ZNF16: variants seen among roughly 807,000 people sequenced by gnomAD.
The protein encoded by ZNF16 is zinc finger protein 16, also known as zinc finger protein KOX9.
ZNF16 carries 7 observed loss-of-function variants against 9.0 expected under a neutral mutation model. The observed-to-expected ratio is 0.78, with a 90% CI of 0.44 to 1.47. ZNF16 has a LOEUF of 1.47. Among genes scored for constraint, ZNF16 ranks in the 40% most tolerant of loss-of-function variants. The pLI is 0.01. For missense variants in ZNF16, 830 were observed against 854.2 expected (o/e 0.97, Z 0.35); for synonymous variants, 312 against 301.5 (o/e 1.03, Z -0.36).
intron 1 of ZNF16, chr8:144,950,292 TCA>T (rs1491288658): frequency 2.0e-5 from 3 of 152,222 alleles, no homozygotes; most frequent in Non-Finnish European, 4.4e-5. Context: ...CTAAGAGAAC[TCA>T]GAGACCGGTG....
At chr8:144,936,511 G>A (rs533666902) in intron 2 of ZNF16, among the ~76,000 whole-genome samples, 98 of 152,212 alleles carry the variant, frequency 6.4e-4, no homozygotes, top group African/African-American at 2.1e-3. Context: ...TCCAGCCAGC[G>A]ATGTATGAGG....
chr8:144,943,589 G>A (rs928476298), intron 2 of ZNF16, among the ~76,000 whole-genome samples: 14 of 151,432 alleles, frequency 9.2e-5, no homozygotes, highest in Non-Finnish European at 1.8e-4. Flanking sequence ...GCACGATTTC[G>A]GCTCAATGCA....
At chr8:144,942,494 G>A (rs1267837471) in intron 2 of ZNF16, among the ~76,000 whole-genome samples, 2 of 151,310 alleles carry the variant, frequency 1.3e-5, no homozygotes, top group East Asian at 3.9e-4. Context: ...CACCATGTTG[G>A]CCAGGCTGGT....
At chr8:144,939,308 C>T (rs561133777) in intron 2 of ZNF16, among the ~76,000 whole-genome samples, 21 of 152,180 alleles carry the variant, frequency 1.4e-4, no homozygotes, top group African/African-American at 4.6e-4. Flanking sequence ...TTAAATTCAC[C>T]TTTAAATCCA....
chr8:144,940,174 G>A (rs377654633), intron 2 of ZNF16, among the ~76,000 whole-genome samples: 1 of 152,108 alleles, frequency 6.6e-6, no homozygotes, highest in African/African-American at 2.4e-5. Context: ...AACTTCCTAA[G>A]CTTAGGTGAT....
At position 144,931,723 on chromosome 8, in the gene ZNF16, C is replaced by T. The variant is rs1833549511; in HGVS notation, c.1064G>A (p.Gly355Glu). Reference protein sequence around the residue: ...GEKPYVCSECGKAFRRSSNLI... With the variant: ...GEKPYVCSECEKAFRRSSNLI... ...GTTTGAGCTTCGCCTGAAGGCCTTC[C>T]CACACTCACTGCACACATACGGTTT... The change falls in exon 3 of 3, where the codon GGG becomes GAG. Residue 355 changes from glycine (G) to glutamate (E), a missense_variant. Coordinates refer to ENST00000394909, the MANE Select transcript of ZNF16 (RefSeq NM_006958.3). 2.0e-5 allele frequency: 32 copies of T among 1,613,974 alleles called. No homozygotes were observed. Among genetic ancestry groups the T allele is most frequent in the Non-Finnish European group, 2.6e-5 (31 of 1,179,966 alleles).
At chr8:144,948,639 G>A (rs1834018488) in intron 1 of ZNF16, 1 of 152,192 alleles carries the variant, frequency 6.6e-6, no homozygotes, top group East Asian at 1.9e-4. Flanking sequence ...CATCCACACA[G>A]TTTCCCTTGT....
At chr8:144,950,070 C>T (rs527882649) in intron 1 of ZNF16, among the ~76,000 whole-genome samples, 5 of 152,344 alleles carry the variant, frequency 3.3e-5, no homozygotes, top group South Asian at 2.1e-4. Context: ...AGCAATGCTG[C>T]CTTGTTATTC....
intron 1 of ZNF16, among the ~76,000 whole-genome samples, chr8:144,949,148 C>T (rs1834029559): frequency 6.6e-6 from 1 of 152,220 alleles, no homozygotes; most frequent in South Asian, 2.1e-4. Flanking sequence ...CTGGAAGAGC[C>T]AGCCACCACC....
intron 2 of ZNF16, among the ~76,000 whole-genome samples, chr8:144,937,039 AG>A: frequency 6.6e-6 from 1 of 151,988 alleles, no homozygotes; most frequent in South Asian, 2.1e-4. Context: ...GTTGTTGAGA[AG>A]TAAGACTTCT....
intron 2 of ZNF16, among the ~76,000 whole-genome samples, chr8:144,938,747 T>C (rs1833738885): frequency 6.6e-6 from 1 of 152,350 alleles, no homozygotes; most frequent in South Asian, 2.1e-4. Context: ...TTTCTTTTTC[T>C]TGACTAACTG....
rs1435457535 is a variant in ZNF16, at chr8:144,932,132, G to A, written c.655C>T (p.Gln219Ter). ...CGCTGAATAAGGTCAGGATTTCCTT[G>A]GAAGGTTTTCCCACACTCATTACAT... is the stretch of plus-strand genomic sequence containing the variant. The part of the protein sequence containing the change: ...LICNECGKTF[Q>*]GNPDLIQRQI... The change falls in exon 3 of 3, where the codon CAA (glutamine) becomes TAA (stop). Residue 219 changes from glutamine (Q) to a stop codon, truncating the protein, a stop_gained. Coordinates refer to ENST00000394909, the MANE Select transcript of ZNF16 (RefSeq NM_006958.3). LOFTEE classifies it low-confidence loss of function (END_TRUNC). This position sits in a 1 kb window ranked among gnomAD's most constrained non-coding sequence, Gnocchi z 5.0. 6.2e-7 allele frequency: 1 copy of A among 1,614,060 alleles called. No individual in the cohort carries two copies. The highest frequency in any genetic ancestry group is 1.7e-5 in the Admixed American group (1 of 60,018).
intron 2 of ZNF16, among the ~76,000 whole-genome samples, chr8:144,934,814 G>A (rs761233576): frequency 2.6e-5 from 4 of 152,134 alleles, no homozygotes; most frequent in African/African-American, 7.2e-5. Flanking sequence ...CATACATTAC[G>A]GCTGTATGAT....
In ZNF16 at chr8:144,931,992, G is replaced by A; in HGVS notation, c.795C>T (p.Tyr265=). 6.2e-7 allele frequency: 1 copy of A among 1,614,138 alleles called. No individual in the cohort carries two copies. The highest frequency in any genetic ancestry group is 8.5e-7 in the Non-Finnish European group (1 of 1,180,020). ...AGGCTTTCCCACATTCGCTGCACTG[G>A]TAAGCTTTCTCACTCATATGAGATC... ...RHRSHMSEKA[Y]QCSECGKAFR... The change falls in exon 3 of 3, where the codon TAC becomes TAT. Residue 265 remains tyrosine (Y), a synonymous_variant. Coordinates refer to ENST00000394909, the MANE Select transcript of ZNF16 (RefSeq NM_006958.3).
chr8:144,931,959 C>T lies in ZNF16; in HGVS notation c.828G>A (p.Gly276=), dbSNP rs1262595447. 1.9e-6 allele frequency: 3 copies of T among 1,613,538 alleles called. No individual in the cohort carries two copies. Among genetic ancestry groups the T allele is most frequent in the Non-Finnish European group, 1.7e-6 (2 of 1,179,560 alleles). ...QCSECGKAFR[G]HSDFSRHQSH... ...TCTGATGCCTAGAAAAGTCTGAGTGCCCTCGGAAGGCTTTCCCACATTCGC... is the reference window on the plus strand; with the variant it reads ...TCTGATGCCTAGAAAAGTCTGAGTGTCCTCGGAAGGCTTTCCCACATTCGC... Residue 276 remains glycine (G), a synonymous_variant, in exon 3 of 3, where the codon GGG becomes GGA. Transcript: ENST00000394909.
At chr8:144,936,795 C>T (rs575857147) in intron 2 of ZNF16, among the ~76,000 whole-genome samples, 12 of 151,248 alleles carry the variant, frequency 7.9e-5, no homozygotes, top group African/African-American at 2.2e-4. Context: ...GGCATGATCT[C>T]GGCTCAATGC....
chr8:144,942,713 C>G (rs964903969), intron 2 of ZNF16, among the ~76,000 whole-genome samples: 2 of 152,158 alleles, frequency 1.3e-5, no homozygotes, highest in African/African-American at 4.8e-5. Context: ...GATGTTACCC[C>G]CCTTATGTTG....
intron 1 of ZNF16, among the ~76,000 whole-genome samples, chr8:144,946,766 G>T (rs1317404418): frequency 9.8e-6 from 1 of 102,244 alleles, no homozygotes; most frequent in Non-Finnish European, 2.0e-5. Flanking sequence ...CCTGTACCCT[G>T]CTGTGGGCCT....
intron 1 of ZNF16, among the ~76,000 whole-genome samples, chr8:144,949,941 C>T (rs1161440336): frequency 6.6e-6 from 1 of 152,158 alleles, no homozygotes; most frequent in Non-Finnish European, 1.5e-5. Context: ...TAGAGGAAGG[C>T]CACTCTCTCC....
Sources: allele counts gnomAD v4.1 joint callset (sites outside exome capture counted in the v4.1 genomes callset), GRCh38; gene constraint gnomAD v4.1.1; non-coding constraint Gnocchi (gnomAD v3.1); transcripts MANE v1.5; gene names NCBI Gene and HGNC (gene_info 2026-07-23, HGNC 2026-07-21).